The following PEBP4 variants were observed in gnomAD, a reference collection of about 807,000 sequenced individuals.
The protein encoded by PEBP4 is phosphatidylethanolamine binding protein 4.
PEBP4 carries 22 observed loss-of-function variants against 23.9 expected under a neutral mutation model. That is an observed-to-expected ratio of 0.92 (90% confidence interval 0.66 to 1.31). The LOEUF (loss-of-function observed/expected upper bound fraction) is 1.31, where lower values mean the gene tolerates loss of function less well. PEBP4 is among the 40% of genes most tolerant of loss of function. The pLI, the probability that PEBP4 is intolerant of heterozygous loss-of-function variation, is 0.00. For synonymous variants in PEBP4, 112 were observed against 99.3 expected (o/e 1.13, Z -0.76); for missense variants, 324 against 281.7 (o/e 1.15, Z -1.07).
intron 4 of PEBP4, among the ~76,000 whole-genome samples, chr8:22,794,668 T>C (rs879152433): frequency 6.6e-6 from 1 of 152,220 alleles, no homozygotes; most frequent in South Asian, 2.1e-4. Context: ...CACATTTTTT[T>C]CAATGTGCTG....
chr8:22,776,809 T>C (rs1390204069), intron 4 of PEBP4, among the ~76,000 whole-genome samples: 1 of 149,440 alleles, frequency 6.7e-6, no homozygotes, highest in African/African-American at 2.5e-5. Flanking sequence ...GGTCAATGAA[T>C]CCCATGCCAG....
At position 22,743,507 on chromosome 8, in the gene PEBP4, C is replaced by T. The variant is rs554606800; in HGVS notation, c.358-16287G>A. On this transcript the variant is annotated intron_variant, in intron 4 of 6. Transcript: ENST00000256404. ...ACCATCCTGGGGGCTGAGCCAGGAGCCTGATGGCAGCCCCAGACCACAGCT... is the reference window on the plus strand; with the variant it reads ...ACCATCCTGGGGGCTGAGCCAGGAGTCTGATGGCAGCCCCAGACCACAGCT... Among the ~76,000 whole-genome samples the T allele has an allele frequency of 6.6e-5, 10 of 152,312 alleles. No individual in the cohort carries two copies. In the East Asian group the frequency reaches 1.7e-3, roughly 26 times the overall value.
At chr8:22,841,138 G>A (rs184493838) in intron 3 of PEBP4, among the ~76,000 whole-genome samples, 1 of 152,348 alleles carries the variant, frequency 6.6e-6, no homozygotes, top group African/African-American at 2.4e-5. Context: ...AGAGAAAACT[G>A]AGGCTTAGGG....
At chr8:22,774,458 T>A (rs1805775546) in intron 4 of PEBP4, among the ~76,000 whole-genome samples, 1 of 152,188 alleles carries the variant, frequency 6.6e-6, no homozygotes, top group African/African-American at 2.4e-5. Flanking sequence ...GATGTCACAG[T>A]ACTCTTCAGA....
In PEBP4 at chr8:22,815,722, G is replaced by A. The variant is rs528061773; in HGVS notation, c.357+1915C>T. 2.1e-3 allele frequency among the ~76,000 whole-genome samples: 321 copies of A among 152,330 alleles called. 2 individuals are homozygous for A. Among genetic ancestry groups the A allele is most frequent in the Non-Finnish European group, 1.5e-4 (10 of 68,030 alleles). On this transcript the variant is annotated intron_variant, in intron 4 of 6. Coordinates refer to ENST00000256404, the MANE Select transcript of PEBP4 (RefSeq NM_144962.3). ...AGCTCTGTGGCTTAGCAGCCTTGCC[G>A]GACAGCTGCCACCTGTCACCTGCCA...
intron 3 of PEBP4, among the ~76,000 whole-genome samples, chr8:22,860,689 TC>T (rs1303267676): frequency 1.3e-5 from 2 of 152,252 alleles, no homozygotes; most frequent in African/African-American, 4.8e-5. Context: ...GGATACGTAC[TC>T]CGTGGAGCTT....
Position 22,921,485 on chromosome 8 carries a change from C to T in PEBP4, c.132-1175G>A, listed in dbSNP as rs542414074. On this transcript the variant is annotated intron_variant, in intron 2 of 6. Coordinates refer to ENST00000256404, the MANE Select transcript of PEBP4 (RefSeq NM_144962.3). ...CCTGGGAGTAGGCCAAGAGCAGCTT[C>T]CTGGTGGGGAACCCTGCATTGCCCC... Among the ~76,000 whole-genome samples the T allele has an allele frequency of 1.4e-4, 21 of 152,334 alleles. No homozygotes were observed. In the South Asian group the frequency reaches 2.3e-3, roughly 17 times the overall value.
At chr8:22,940,746 C>A (rs182988686) in intron 1 of PEBP4, among the ~76,000 whole-genome samples, 1 of 152,174 alleles carries the variant, frequency 6.6e-6, no homozygotes, top group East Asian at 1.9e-4. Context: ...GCCTTGGCCT[C>A]CCAAAGTGCT....
chr8:22,844,748 C>T (rs969189235), intron 3 of PEBP4, among the ~76,000 whole-genome samples: 1 of 152,176 alleles, frequency 6.6e-6, no homozygotes, highest in East Asian at 1.9e-4. Flanking sequence ...GCCCACTGGC[C>T]GGGTTACTGC....
rs923071888 is a variant in PEBP4 at position 22,846,467 on chromosome 8, C to T, written c.259-28732G>A. 7.9e-5 allele frequency among the ~76,000 whole-genome samples: 12 copies of T among 152,152 alleles called. No individual in the cohort carries two copies. In the South Asian group the frequency reaches 8.3e-4, roughly 11 times the overall value. ...TCGTCATCACCCCATTCTGAGAAATCGCATCAGGTTCCCTCGCCCCACCCT... is the reference window on the plus strand; with the variant it reads ...TCGTCATCACCCCATTCTGAGAAATTGCATCAGGTTCCCTCGCCCCACCCT... On this transcript the variant is annotated intron_variant, in intron 3 of 6. Transcript: ENST00000256404.
intron 3 of PEBP4, among the ~76,000 whole-genome samples, chr8:22,913,282 C>T (rs1808986850): frequency 6.6e-6 from 1 of 152,178 alleles, no homozygotes; most frequent in Non-Finnish European, 1.5e-5. Context: ...TCCAGTGGCT[C>T]TTCCCCAGCC....
chr8:22,783,771 C>T (rs1212899921), intron 4 of PEBP4, among the ~76,000 whole-genome samples: 2 of 152,194 alleles, frequency 1.3e-5, no homozygotes, highest in Non-Finnish European at 2.9e-5. Context: ...TAACTGGGAC[C>T]GCAGACATAT....
At chr8:22,902,758 G>A (rs1383797812) in intron 3 of PEBP4, among the ~76,000 whole-genome samples, 2 of 152,334 alleles carry the variant, frequency 1.3e-5, no homozygotes, top group Non-Finnish European at 2.9e-5. Context: ...GGATCAAACA[G>A]CCCTGAGGGT....
At position 22,731,355 on chromosome 8, in the gene PEBP4, G is replaced by C. The variant is rs576638845; in HGVS notation, c.358-4135C>G. Among the ~76,000 whole-genome samples the C allele has an allele frequency of 4.6e-5, 7 of 152,240 alleles. No homozygotes were observed. The East Asian group carries it at 1.4e-3, about 29-fold the overall frequency. On this transcript the variant is annotated intron_variant, in intron 4 of 6. Coordinates refer to ENST00000256404, the MANE Select transcript of PEBP4 (RefSeq NM_144962.3). Reference sequence around the variant, plus strand: ...AGATGATGAGGATGGAGACCTTTATGATGATCCACTTCCACTTAACAAATA... The same window carrying C: ...AGATGATGAGGATGGAGACCTTTATCATGATCCACTTCCACTTAACAAATA...
At chr8:22,717,467 G>C (rs575979057) in intron 6 of PEBP4, among the ~76,000 whole-genome samples, 2 of 136,192 alleles carry the variant, frequency 1.5e-5, no homozygotes, top group South Asian at 4.4e-4. Flanking sequence ...TTTCCATCCT[G>C]ATGTACTTCC....
chr8:22,877,557 C>A (rs901242318), intron 3 of PEBP4, among the ~76,000 whole-genome samples: 6 of 152,130 alleles, frequency 3.9e-5, no homozygotes, highest in Admixed American at 3.9e-4. Flanking sequence ...GGAGGTGAGG[C>A]CAGCAGCTTG....
chr8:22,909,141 G>A (rs1035101062), intron 3 of PEBP4, among the ~76,000 whole-genome samples: 5 of 152,112 alleles, frequency 3.3e-5, no homozygotes, highest in Non-Finnish European at 7.4e-5. Flanking sequence ...AGGTTCCTGG[G>A]GTAGGATGAC....
chr8:22,844,603 T>G (rs576818264), intron 3 of PEBP4, among the ~76,000 whole-genome samples: 1 of 152,338 alleles, frequency 6.6e-6, no homozygotes, highest in East Asian at 1.9e-4. Context: ...CACTTAACTG[T>G]GTTCTCTTTT....
chr8:22,730,803 T>A (rs2128749293), intron 4 of PEBP4, among the ~76,000 whole-genome samples: 1 of 152,312 alleles, frequency 6.6e-6, no homozygotes, highest in East Asian at 1.9e-4. Context: ...GGCTGAAAGT[T>A]GGGCTTTCTC....
Sources: gnomAD v4.1 joint callset for allele counts (sites outside exome capture counted in the v4.1 genomes callset) on GRCh38, gnomAD v4.1.1 for gene constraint, MANE v1.5 for transcripts, NCBI Gene and HGNC (gene_info 2026-07-23, HGNC 2026-07-21) for gene names.